PALLD: variants seen among roughly 807,000 people sequenced by gnomAD.
PALLD encodes palladin.
Under a neutral mutation model 123.5 loss-of-function variants are expected in PALLD, and 61 were observed. That is an observed-to-expected ratio of 0.49 (90% CI 0.40 to 0.61). The LOEUF (loss-of-function observed/expected upper bound fraction) is 0.61, where lower values mean the gene tolerates loss of function less well. PALLD is among the 20% of genes least tolerant of loss of function. The pLI is 0.00. For missense variants in PALLD, 1,273 were observed against 1,377.0 expected (o/e 0.92, Z 1.20); for synonymous variants, 465 against 496.4 (o/e 0.94, Z 0.84).
chr4:168,794,488 AT>A (rs1292200313), intron 10 of PALLD, among the ~76,000 whole-genome samples: 1 of 140,798 alleles, frequency 7.1e-6, no homozygotes, highest in Non-Finnish European at 1.5e-5. Flanking sequence ...GCACACACAC[AT>A]GCACGCACAC....
At chr4:168,689,636 C>T (rs940332873) in intron 6 of PALLD, among the ~76,000 whole-genome samples, 3 of 151,374 alleles carry the variant, frequency 2.0e-5, no homozygotes, top group African/African-American at 7.3e-5. Flanking sequence ...TTAGTAGAGA[C>T]AGGATTTCGC....
chr4:168,711,644 T>C lies in PALLD; in HGVS notation c.1685T>C (p.Phe562Ser), dbSNP rs377504487. The change falls in exon 10 of 22, where the codon TTT becomes TCT. Residue 562 changes from phenylalanine to serine, a missense_variant. Physicochemically the swap from Phe to Ser is radical, Grantham distance 155. Around this residue, in one of 2 missense-constraint regions of PALLD, gnomAD observed 944 missense variants for 954.5 expected, o/e 0.99. Transcript: ENST00000505667. ...GESNNDHFQH[F>S]PPPPPILETS... ...TCCAACAATGACCACTTCCAACACT[T>C]TCCACCTCCCCCTCCAATCTTGGAG... The C allele has an allele frequency of 3.7e-6, 6 of 1,613,992 alleles. No individual in the cohort carries two copies. In the African/African-American group the frequency reaches 5.3e-5, roughly 14 times the overall value.
At chr4:168,862,745 G>A (rs555754851) in intron 10 of PALLD, among the ~76,000 whole-genome samples, 1 of 152,262 alleles carries the variant, frequency 6.6e-6, no homozygotes, top group South Asian at 2.1e-4. Flanking sequence ...CTTCAGGAGG[G>A]GATGTGGATA....
At chr4:168,909,015 C>G (rs1406978223) in intron 15 of PALLD, among the ~76,000 whole-genome samples, 2 of 152,174 alleles carry the variant, frequency 1.3e-5, no homozygotes, top group Non-Finnish European at 2.9e-5. Flanking sequence ...GTGTATCACA[C>G]TCGATGTGTG....
Position 168,523,219 on chromosome 4 carries a change from G to C in PALLD, c.908+10807G>C, listed in dbSNP as rs1030268542. 1.1e-4 allele frequency among the ~76,000 whole-genome samples: 5 copies of C among 45,612 alleles called. No homozygotes were observed. The East Asian group carries it at 2.2e-3, about 20-fold the overall frequency. The allele number at this position is 45,612 out of a possible 152,430, so 29.9% of individuals were successfully genotyped here. ...GAGAATCTTTGAGAACGAGAAGAAA[G>C]AGGAGAGGAGAGGAGGGGAGGGGAG... On this transcript the variant is annotated intron_variant, in intron 2 of 21. Coordinates refer to ENST00000505667, the MANE Select transcript of PALLD (RefSeq NM_001166108.2).
At chr4:168,787,846 T>C (rs1301064003) in intron 10 of PALLD, among the ~76,000 whole-genome samples, 1 of 152,202 alleles carries the variant, frequency 6.6e-6, no homozygotes, top group Non-Finnish European at 1.5e-5. Context: ...CAGCACCGGC[T>C]CGAGAGAGCA....
At chr4:168,578,801 T>A (rs987966049) in intron 2 of PALLD, among the ~76,000 whole-genome samples, 2 of 150,328 alleles carry the variant, frequency 1.3e-5, no homozygotes, top group African/African-American at 4.8e-5. Context: ...AGATAGATAG[T>A]CCCAGTGCTT....
At chr4:168,676,700 C>T (rs1049311686) in intron 3 of PALLD, among the ~76,000 whole-genome samples, 8 of 151,652 alleles carry the variant, frequency 5.3e-5, no homozygotes, top group African/African-American at 1.9e-4. Context: ...ATTCTCCTGC[C>T]TCAGCCTCCC....
At chr4:168,857,269 C>T (rs1748742646) in intron 10 of PALLD, among the ~76,000 whole-genome samples, 1 of 152,170 alleles carries the variant, frequency 6.6e-6, no homozygotes, top group Non-Finnish European at 1.5e-5. Flanking sequence ...TGTAAGACGA[C>T]TTCATTGTTT....
chr4:168,851,478 A>G (rs1423668807), intron 10 of PALLD, among the ~76,000 whole-genome samples: 1 of 151,884 alleles, frequency 6.6e-6, no homozygotes. Context: ...AGCAATTCTC[A>G]TGCTTCGGCC....
At chr4:168,547,868 C>T (rs893525684) in intron 2 of PALLD, among the ~76,000 whole-genome samples, 2 of 151,070 alleles carry the variant, frequency 1.3e-5, no homozygotes, top group East Asian at 2.0e-4. Context: ...ATTACTGGAA[C>T]CCGGGAGGCG....
rs1338514244 is a variant in PALLD, at chr4:168,693,586, A to T, written c.1501+2294A>T. ...TACATAGTTAGATCTGAAAGCGTTT[A>T]AGAAAACAGATTCCTTCATTCCAAC... On this transcript the variant is annotated intron_variant, in intron 8 of 21. Coordinates refer to ENST00000505667, the MANE Select transcript of PALLD (RefSeq NM_001166108.2). Among the ~76,000 whole-genome samples, 3 of 152,334 alleles carry T rather than the reference A, an allele frequency of 2.0e-5. No individual in the cohort carries two copies. The East Asian group carries it at 5.8e-4, about 29-fold the overall frequency.
intron 10 of PALLD, among the ~76,000 whole-genome samples, chr4:168,775,262 C>T (rs72986870): frequency 0.046 from 6,967 of 152,162 alleles, 436 homozygotes; most frequent in East Asian, 0.17. Context: ...AGAATTTCAT[C>T]GTGGTTTTAA....
chr4:168,881,527 T>C (rs994151861), intron 10 of PALLD, among the ~76,000 whole-genome samples: 2 of 143,938 alleles, frequency 1.4e-5, no homozygotes, highest in Non-Finnish European at 3.0e-5. Context: ...CGGAGAGAGG[T>C]TGACTGCGGT....
At chr4:168,812,604 C>T (rs148689451) in intron 10 of PALLD, among the ~76,000 whole-genome samples, 213 of 152,298 alleles carry the variant, frequency 1.4e-3, no homozygotes, top group African/African-American at 4.9e-3. Context: ...TACACACTCT[C>T]TCCTGCTTGC....
At position 168,927,964 on chromosome 4, in the gene PALLD, G is replaced by C. The variant is rs1038157809; in HGVS notation, c.*1784G>C. ...AGCTCAGTTACTCAATTCATACGTA[G>C]TATTTTTTAAAATAATTTTATATCT... On this transcript the variant is annotated 3_prime_UTR_variant, in exon 22 of 22. Transcript: ENST00000505667. The C allele has an allele frequency of 4.1e-5, 8 of 196,128 alleles. No individual in the cohort carries two copies. The highest frequency in any genetic ancestry group is 3.0e-4 in the Admixed American group (5 of 16,480). 12.1% of individuals were successfully genotyped at this position (196,128 alleles called of 1,614,324 possible). A position where few individuals can be genotyped will look rare whatever the true frequency, so the allele number is the denominator to read the frequency against.
rs568163492 is a variant in PALLD at position 168,606,470 on chromosome 4, C to T, written c.909-61720C>T. 4.7e-5 allele frequency among the ~76,000 whole-genome samples: 7 copies of T among 149,656 alleles called. No homozygotes were observed. The East Asian group carries it at 1.2e-3, about 25-fold the overall frequency. On this transcript the variant is annotated intron_variant, in intron 2 of 21. Coordinates refer to ENST00000505667, the MANE Select transcript of PALLD (RefSeq NM_001166108.2). ...AGGGTGGATCACGAGGTCAGGAGAT[C>T]GAGACCATCCTGGCTAACACGGTGA... is the stretch of plus-strand genomic sequence containing the variant.
rs1219032514 is a variant in PALLD, at chr4:168,690,463, A to T, written c.1336-140A>T. On this transcript the variant is annotated intron_variant, in intron 6 of 21. Coordinates refer to ENST00000505667, the MANE Select transcript of PALLD (RefSeq NM_001166108.2). ...TTTATCCTTACCTGAGTCAGTGCTA[A>T]TTATTTGATGATGCAAGTTTTGCAT... The T allele has an allele frequency of 1.1e-5, 11 of 1,034,230 alleles. No homozygotes were observed. In the East Asian group the frequency reaches 2.4e-4, roughly 22 times the overall value. The allele number at this position is 1,034,230 out of a possible 1,614,324, so 64.1% of individuals were successfully genotyped here. A position where few individuals can be genotyped will look rare whatever the true frequency, so the allele number is the denominator to read the frequency against.
chr4:168,898,684 A>G lies in PALLD; in HGVS notation c.2442A>G (p.Thr814=), dbSNP rs113676921. The G allele has an allele frequency of 4.3e-3, 7,011 of 1,613,850 alleles. 29 individuals are homozygous for G. Among genetic ancestry groups the G allele is most frequent in the Non-Finnish European group, 5.5e-3 (6,454 of 1,179,700 alleles). Residue 814 remains threonine (T), a synonymous_variant, in exon 14 of 22, where the codon ACA becomes ACG. Transcript: ENST00000505667. ...KIFEGMPVTF[T]CRVAGNPKPK... is the part of the protein sequence containing the mutation. ...TTGAGGGAATGCCAGTAACTTTCAC[A>G]TGTAGAGTGGCTGGAAATCCAAAGC...
Sources: allele counts gnomAD v4.1 joint callset (sites outside exome capture counted in the v4.1 genomes callset), GRCh38; gene constraint gnomAD v4.1.1; regional missense constraint gnomAD v4.1.1; transcripts MANE v1.5; gene names NCBI Gene and HGNC (gene_info 2026-07-23, HGNC 2026-07-21).